Variants in HROB observed in about 807,000 individuals in gnomAD.
The protein encoded by HROB is homologous recombination OB-fold protein.
Under a neutral mutation model 61.0 loss-of-function variants are expected in HROB, and 44 were observed. The ratio of observed to expected loss-of-function variants is 0.72; its 90% CI spans 0.57 to 0.93. The LOEUF (loss-of-function observed/expected upper bound fraction) is 0.93. Ranked by LOEUF, HROB falls within the 40% of genes least tolerant of loss-of-function variation. The probability of loss-of-function intolerance (pLI) is 0.00; values close to 1 mark genes in which losing one functional copy is unlikely to be tolerated. For missense variants in HROB, 716 were observed against 796.2 expected (o/e 0.90, Z 1.21); for synonymous variants, 301 against 310.4 (o/e 0.97, Z 0.32).
At chr17:44,147,590 C>A (rs1193552925) in intron 2 of HROB, among the ~76,000 whole-genome samples, 1 of 151,664 alleles carries the variant, frequency 6.6e-6, no homozygotes, top group Non-Finnish European at 1.5e-5. Flanking sequence ...GGTGTGCACC[C>A]CCATGCCCAG....
At chr17:44,152,827 C>G (rs1400682481) in intron 5 of HROB, 50 bp downstream of exon 5, 1 of 1,594,128 alleles carries the variant, frequency 6.3e-7, no homozygotes, top group East Asian at 2.2e-5. Flanking sequence ...TTTTCTCCCT[C>G]TCTCTGACCT....
chr17:44,160,079 C>CT (rs2054090851), intron 9 of HROB, among the ~76,000 whole-genome samples: 1 of 152,214 alleles, frequency 6.6e-6, no homozygotes, highest in Non-Finnish European at 1.5e-5. Flanking sequence ...TAACGGGTGC[C>CT]TTACCAGGCA....
At chr17:44,153,863 A>C (rs1567719853) in intron 5 of HROB, among the ~76,000 whole-genome samples, 1 of 151,652 alleles carries the variant, frequency 6.6e-6, no homozygotes, top group Non-Finnish European at 1.5e-5. Context: ...CAGCCTGGCC[A>C]ACATGGTGAA....
At position 44,148,783 on chromosome 17, in the gene HROB, C is replaced by T. The variant is rs147596694; in HGVS notation, c.980C>T (p.Pro327Leu). The T allele has an allele frequency of 2.5e-6, 4 of 1,614,066 alleles. No homozygotes were observed. Among genetic ancestry groups the T allele is most frequent in the African/African-American group, 1.3e-5 (1 of 74,910 alleles). The change falls in exon 3 of 10, where the codon CCC becomes CTC. Residue 327 changes from proline (P) to leucine (L), a missense_variant. Physicochemically the swap from Pro to Leu is moderately conservative, Grantham distance 98. Transcript: ENST00000585683. ...ACTCCCAACTCAAGCTGTTCTACTC[C>T]CTCAAGGACTAGCTCTGGATTATTT... ...PRTPNSSCSTPSRTSSGLFPR... is the reference protein window; with the variant it reads ...PRTPNSSCSTLSRTSSGLFPR...
chr17:44,149,095 C>G, intron 3 of HROB, 68 bp downstream of exon 3: 1 of 1,411,898 alleles, frequency 7.1e-7, no homozygotes, highest in African/African-American at 1.4e-5. Flanking sequence ...ACTGTCCAGC[C>G]CTAGCATATC....
chr17:44,159,947 C>T (rs576774630), intron 9 of HROB, among the ~76,000 whole-genome samples: 15 of 152,308 alleles, frequency 9.8e-5, no homozygotes, highest in African/African-American at 3.6e-4. Context: ...TGTCAGGCCT[C>T]CCACAAGAGC....
chr17:44,149,451 A>G (rs1257102288), intron 3 of HROB, among the ~76,000 whole-genome samples: 1 of 152,034 alleles, frequency 6.6e-6, no homozygotes, highest in East Asian at 1.9e-4. Flanking sequence ...GTTTCACCAT[A>G]TTGGCCAGGC....
intron 8 of HROB, 97 bp from the exon 9 acceptor site, chr17:44,157,736 C>A: frequency 1.2e-6 from 1 of 855,038 alleles, no homozygotes; most frequent in Non-Finnish European, 1.8e-6. Context: ...CTTTCCTGAG[C>A]CCCACACTGT....
chr17:44,161,767 A>C, intron 9 of HROB, 104 bp from the exon 10 acceptor site: 1 of 1,287,502 alleles, frequency 7.8e-7, no homozygotes, highest in African/African-American at 1.5e-5. Context: ...CTGCCCAGCT[A>C]TACAGCCAGG....
At chr17:44,160,961 G>A (rs2054120549) in intron 9 of HROB, among the ~76,000 whole-genome samples, 1 of 152,182 alleles carries the variant, frequency 6.6e-6, no homozygotes, top group Admixed American at 6.5e-5. Flanking sequence ...CCAGCACTTT[G>A]GGAGGCCAAG....
In HROB at chr17:44,142,043, G is replaced by A. The variant is rs2053457467; in HGVS notation, c.-100G>A. 6.9e-7 allele frequency: 1 copy of A among 1,455,598 alleles called. No individual in the cohort carries two copies. Among genetic ancestry groups the A allele is most frequent in the Non-Finnish European group, 9.3e-7 (1 of 1,080,906 alleles). 90.2% of individuals were successfully genotyped at this position (1,455,598 alleles called of 1,614,324 possible). A position where few individuals can be genotyped will look rare whatever the true frequency, so the allele number is the denominator to read the frequency against. On this transcript the variant is annotated 5_prime_UTR_variant, in exon 1 of 10. Coordinates refer to ENST00000585683, the MANE Select transcript of HROB (RefSeq NM_001171251.3). ...CCCAGCCCGGAAGCACTGTCCCTCG[G>A]AGTCCGAGACTTCCACCTGGGTCGT...
chr17:44,145,304 AC>A (rs2053580172), intron 2 of HROB, 51 bp downstream of exon 2: 1 of 1,601,970 alleles, frequency 6.2e-7, no homozygotes, highest in Admixed American at 1.7e-5. Context: ...TAAAATGTAA[AC>A]ACTCAGGTTC....
Position 44,157,948 on chromosome 17 carries a change from C to T in HROB, c.1879+7C>T, listed in dbSNP as rs1479869374. ...GAAGAACTCCCAGAAGCAGGTAAAG[C>T]AGTCAGCCCATCTGGGAGCAAGAGA... On this transcript the variant is annotated splice_region_variant and intron_variant, in intron 9 of 9. Transcript: ENST00000585683. The T allele has an allele frequency of 1.2e-6, 2 of 1,604,174 alleles. No homozygotes were observed. The highest frequency in any genetic ancestry group is 1.7e-6 in the Non-Finnish European group (2 of 1,172,378).
chr17:44,153,488 T>C (rs975114535), intron 5 of HROB, among the ~76,000 whole-genome samples: 3 of 151,502 alleles, frequency 2.0e-5, no homozygotes, highest in African/African-American at 7.3e-5. Context: ...GCGTGGTGGC[T>C]CACACCTATA....
At chr17:44,161,431 G>T (rs919540435) in intron 9 of HROB, among the ~76,000 whole-genome samples, 1 of 152,136 alleles carries the variant, frequency 6.6e-6, no homozygotes, top group Non-Finnish European at 1.5e-5. Flanking sequence ...TTTGAGGAAG[G>T]GGGTGATATT....
intron 9 of HROB, among the ~76,000 whole-genome samples, chr17:44,158,794 C>T (rs531612037): frequency 5.3e-5 from 8 of 152,144 alleles, no homozygotes; most frequent in African/African-American, 1.7e-4. Flanking sequence ...TACAGGCGCC[C>T]GCCACCATGC....
At chr17:44,154,967 C>T (rs779070142) in intron 7 of HROB, 29 bp downstream of exon 7, 13 of 1,603,164 alleles carry the variant, frequency 8.1e-6, no homozygotes, top group Middle Eastern at 1.7e-4. Context: ...CACACCACTG[C>T]CCCCCGGATA....
intron 5 of HROB, among the ~76,000 whole-genome samples, chr17:44,154,061 A>T (rs1420698655): frequency 6.6e-6 from 1 of 151,278 alleles, no homozygotes; most frequent in African/African-American, 2.4e-5. Flanking sequence ...ATAAAAAAAT[A>T]GGCCGGGTGC....
At chr17:44,152,130 C>T (rs1293092062) in intron 4 of HROB, among the ~76,000 whole-genome samples, 1 of 152,048 alleles carries the variant, frequency 6.6e-6, no homozygotes, top group Non-Finnish European at 1.5e-5. Flanking sequence ...CAGGTGTGAG[C>T]CACTGCGCCC....
Sources: allele counts gnomAD v4.1 joint callset (sites outside exome capture counted in the v4.1 genomes callset), GRCh38; gene constraint gnomAD v4.1.1; transcripts MANE v1.5; gene names NCBI Gene and HGNC (gene_info 2026-07-23, HGNC 2026-07-21).